Variants in USP13 observed in about 807,000 individuals in gnomAD.
USP13 encodes ubiquitin carboxyl-terminal hydrolase 13.
USP13 carries 68 observed loss-of-function variants against 107.8 expected under a neutral mutation model. That is an observed-to-expected ratio of 0.63 (90% CI 0.52 to 0.77). The LOEUF is 0.77. Among genes scored for constraint, USP13 ranks in the 30% least tolerant of loss-of-function variants. USP13 has a pLI of 0.00. For synonymous variants in USP13, 377 were observed against 389.5 expected, an observed-to-expected ratio of 0.97 and a Z score of 0.38; for missense variants, 945 against 1,093.3, an observed-to-expected ratio of 0.86 and a Z score of 1.91.
At chr3:179,754,881 C>T (rs747749834) in intron 15 of USP13, 27 bp downstream of exon 15, 22 of 1,597,338 alleles carry the variant, frequency 1.4e-5, no homozygotes, top group South Asian at 2.3e-5. Flanking sequence ...GGAGAATATG[C>T]GCTACCCTCC....
Position 179,708,884 on chromosome 3 carries a change from T to G in USP13, c.732T>G (p.His244Gln). The change falls in exon 6 of 21, where the codon CAT (histidine) becomes CAG (glutamine). Residue 244 changes from histidine (H) to glutamine (Q), a missense_variant. Coordinates refer to ENST00000263966, the MANE Select transcript of USP13 (RefSeq NM_003940.3). ...WFFDSSGGNG[H>Q]ALEHYRDMGY... ...TTGACAGCTCTGGGGGCAACGGGCA[T>G]GCGCTGGAGCATTACAGAGACATGG... 1 of 1,614,098 alleles carries G rather than the reference T, an allele frequency of 6.2e-7. No homozygotes were observed. The highest frequency in any genetic ancestry group is 2.2e-5 in the East Asian group (1 of 44,870).
At chr3:179,775,222 T>C (rs1715484168) in intron 19 of USP13, among the ~76,000 whole-genome samples, 1 of 152,162 alleles carries the variant, frequency 6.6e-6, no homozygotes, top group Non-Finnish European at 1.5e-5. Flanking sequence ...TGCTGATCGG[T>C]GCATTTACAA....
chr3:179,725,728 T>C (rs1326298031), intron 8 of USP13, among the ~76,000 whole-genome samples: 1 of 152,258 alleles, frequency 6.6e-6, no homozygotes. Flanking sequence ...CAAATATTTA[T>C]TGAGTGTCTT....
chr3:179,779,538 A>G (rs995268081), intron 19 of USP13, among the ~76,000 whole-genome samples: 2 of 151,956 alleles, frequency 1.3e-5, no homozygotes, highest in Non-Finnish European at 1.5e-5. Context: ...TCAAACAACA[A>G]CAACAAAAAA....
intron 15 of USP13, 141 bp downstream of exon 15, chr3:179,754,995 C>A (rs1560075725): frequency 1.8e-6 from 2 of 1,132,796 alleles, no homozygotes; most frequent in African/African-American, 3.2e-5. Flanking sequence ...AACCCACCAC[C>A]GACACAGGAG....
chr3:179,704,875 A>G (rs1712659143), intron 4 of USP13, among the ~76,000 whole-genome samples: 1 of 152,182 alleles, frequency 6.6e-6, no homozygotes. Context: ...GCTCAATGTC[A>G]TCAATCAGTA....
intron 2 of USP13, among the ~76,000 whole-genome samples, chr3:179,685,198 T>G (rs1711828197): frequency 6.6e-6 from 1 of 150,980 alleles, no homozygotes; most frequent in Non-Finnish European, 1.5e-5. Context: ...TTTTTTTTTT[T>G]AACCATTACT....
chr3:179,787,608 C>CT lies in USP13; in HGVS notation c.*3478dup, dbSNP rs796952465. 4.7e-4 allele frequency: 70 copies of CT among 147,956 alleles called. No homozygotes were observed. The highest frequency in any genetic ancestry group is 5.0e-4 in the Non-Finnish European group (33 of 66,604). 9.2% of individuals were successfully genotyped at this position (147,956 alleles called of 1,614,324 possible). On this transcript the variant is annotated 3_prime_UTR_variant, in exon 21 of 21. Coordinates refer to ENST00000263966, the MANE Select transcript of USP13 (RefSeq NM_003940.3). ...TATACTTTTTTGGGTAATCATCCCACTTTTTTTTTTTCTTGAGATGGAGTC... is the reference window on the plus strand; with the variant it reads ...TATACTTTTTTGGGTAATCATCCCACTTTTTTTTTTTTCTTGAGATGGAGTC...
chr3:179,727,190 A>C (rs1468284343), intron 8 of USP13, among the ~76,000 whole-genome samples: 6 of 102,086 alleles, frequency 5.9e-5, no homozygotes, highest in African/African-American at 2.3e-4. Flanking sequence ...TTTTTAATTG[A>C]TCATTCTTGG....
chr3:179,762,772 A>G (rs906961281), intron 17 of USP13, among the ~76,000 whole-genome samples: 4 of 152,134 alleles, frequency 2.6e-5, no homozygotes, highest in African/African-American at 9.7e-5. Context: ...TGGAATTGCC[A>G]TGTCATATGG....
intron 19 of USP13, among the ~76,000 whole-genome samples, chr3:179,768,777 C>G (rs77584702): frequency 6.6e-6 from 1 of 152,014 alleles, no homozygotes; most frequent in Non-Finnish European, 1.5e-5. Flanking sequence ...CCACAAAGTT[C>G]TATATAGAGG....
rs144828777 is a variant in USP13, at chr3:179,655,038, A to T, written c.168+1645A>T. ...TTTGAAAATGCCATTTTCAGATTGT[A>T]TGGCCAGTGTTGGGCAGTTCCCACT... On this transcript the variant is annotated intron_variant, in intron 1 of 20. Transcript: ENST00000263966. 1.5e-3 allele frequency among the ~76,000 whole-genome samples: 221 copies of T among 152,236 alleles called. 2 individuals are homozygous for T. The highest frequency in any genetic ancestry group is 4.9e-3 in the African/African-American group (205 of 41,518).
In USP13 at chr3:179,659,093, T is replaced by C. The variant is rs988882830; in HGVS notation, c.168+5700T>C. 3.9e-5 allele frequency among the ~76,000 whole-genome samples: 6 copies of C among 152,314 alleles called. No individual in the cohort carries two copies. The East Asian group carries it at 1.2e-3, about 29-fold the overall frequency. ...GCTTTTTTCCCATTTTTGAAAGCTC[T>C]GAGATGGCTCGGTGATATTGAGATG... On this transcript the variant is annotated intron_variant, in intron 1 of 20. Transcript: ENST00000263966.
chr3:179,715,207 A>G (rs1197535417), intron 6 of USP13, among the ~76,000 whole-genome samples: 1 of 140,778 alleles, frequency 7.1e-6, no homozygotes, highest in Admixed American at 7.0e-5. Context: ...ATTTTTTTAA[A>G]TTGAGACAGA....
intron 1 of USP13, among the ~76,000 whole-genome samples, chr3:179,673,062 G>A (rs1476077194): frequency 6.6e-6 from 1 of 152,152 alleles, no homozygotes; most frequent in Non-Finnish European, 1.5e-5. Context: ...GGGGCAGTAG[G>A]GTTCAAGTGT....
At position 179,678,739 on chromosome 3, in the gene USP13, C is replaced by G. The variant is rs1270729276; in HGVS notation, c.169-3139C>G. On this transcript the variant is annotated intron_variant, in intron 1 of 20. Transcript: ENST00000263966. This position sits in a 1 kb window ranked among gnomAD's most constrained non-coding sequence, Gnocchi z 4.2. ...CCTCCCAAAATGCTGGGATTGGATG[C>G]TGTTTTGAAGTCAAGCTTTAAAAAT... Among the ~76,000 whole-genome samples, 1 of 152,170 alleles carries G rather than the reference C, an allele frequency of 6.6e-6. No individual in the cohort carries two copies. The highest frequency in any genetic ancestry group is 1.5e-5 in the Non-Finnish European group (1 of 68,034).
intron 1 of USP13, among the ~76,000 whole-genome samples, chr3:179,677,436 C>T (rs376818516): frequency 1.3e-5 from 2 of 151,936 alleles, no homozygotes; most frequent in African/African-American, 2.4e-5. Context: ...CAACATTAGC[C>T]GGGTGTCGTG....
At chr3:179,689,988 T>A (rs1318147165) in intron 2 of USP13, among the ~76,000 whole-genome samples, 3 of 152,196 alleles carry the variant, frequency 2.0e-5, no homozygotes, top group Non-Finnish European at 4.4e-5. Flanking sequence ...TTCACCTTGA[T>A]CCCTGGTTTC....
At chr3:179,776,841 C>T (rs1185822754) in intron 19 of USP13, among the ~76,000 whole-genome samples, 8 of 127,468 alleles carry the variant, frequency 6.3e-5, no homozygotes, top group African/African-American at 2.1e-4. Context: ...TTTTTTGGAG[C>T]GTGTTTTAGA....
Sources: gnomAD v4.1 joint callset for allele counts (sites outside exome capture counted in the v4.1 genomes callset) on GRCh38, gnomAD v4.1.1 for gene constraint, Gnocchi (gnomAD v3.1) non-coding constraint, MANE v1.5 for transcripts, NCBI Gene and HGNC (gene_info 2026-07-23, HGNC 2026-07-21) for gene names.